DLGAP1: variants seen among roughly 807,000 people sequenced by gnomAD.
DLGAP1 encodes the protein disks large-associated protein 1.
A neutral mutation model predicts 90.8 loss-of-function variants in DLGAP1; 11 were observed. The observed-to-expected ratio is 0.12, with a 90% CI of 0.08 to 0.20. The LOEUF is 0.20. Ranked by LOEUF, DLGAP1 falls within the 10% of genes least tolerant of loss-of-function variation. The pLI is 1.00. For missense variants in DLGAP1, 1,050 were observed against 1,333.8 expected, an observed-to-expected ratio of 0.79 and a Z score of 3.31; for synonymous variants, 558 against 540.7, an observed-to-expected ratio of 1.03 and a Z score of -0.44.
chr18:3,682,394 G>A (rs1332926907), intron 7 of DLGAP1, among the ~76,000 whole-genome samples: 1 of 152,132 alleles, frequency 6.6e-6, no homozygotes, highest in African/African-American at 2.4e-5. Context: ...CCAGTCTCAA[G>A]TATTCCTTTA....
intron 1 of DLGAP1, among the ~76,000 whole-genome samples, chr18:4,394,252 G>A (rs554041475): frequency 1.2e-4 from 18 of 152,198 alleles, no homozygotes; most frequent in Admixed American, 3.3e-4. Flanking sequence ...TAGATGACAC[G>A]GATTTCGCTT....
chr18:3,594,803 A>C (rs2056483967), intron 7 of DLGAP1, among the ~76,000 whole-genome samples: 3 of 152,196 alleles, frequency 2.0e-5, no homozygotes, highest in Admixed American at 2.0e-4. Context: ...GAGGATAAAC[A>C]GCCCAGAAAC....
chr18:3,728,127 G>C (rs1329590215), intron 7 of DLGAP1, among the ~76,000 whole-genome samples: 6 of 151,946 alleles, frequency 3.9e-5, no homozygotes, highest in African/African-American at 1.5e-4. Flanking sequence ...CACTAAAATG[G>C]AGTGATACAA....
In DLGAP1 at chr18:3,997,142, T is replaced by C. The variant is rs868814392; in HGVS notation, c.-73+7974A>G. On this transcript the variant is annotated intron_variant, in intron 3 of 12. Transcript: ENST00000315677. Reference sequence around the variant, plus strand: ...TTTCCCACGGGAAAGGTTATTTTCGTCTAATGTTACCCATAACTCATTCGC... The same window carrying C: ...TTTCCCACGGGAAAGGTTATTTTCGCCTAATGTTACCCATAACTCATTCGC... 8.9e-4 allele frequency among the ~76,000 whole-genome samples: 77 copies of C among 86,500 alleles called. 8 individuals carry two copies. The highest frequency in any genetic ancestry group is 3.5e-3 in the African/African-American group (76 of 21,694). 56.7% of individuals were successfully genotyped at this position (86,500 alleles called of 152,430 possible).
intron 2 of DLGAP1, among the ~76,000 whole-genome samples, chr18:4,035,521 A>G (rs562673040): frequency 4.0e-4 from 61 of 152,326 alleles, no homozygotes; most frequent in Middle Eastern, 3.4e-3. Context: ...AAAAATCTGC[A>G]GGGATGAGAA....
intron 1 of DLGAP1, among the ~76,000 whole-genome samples, chr18:4,254,549 T>C (rs2078848772): frequency 6.6e-6 from 1 of 152,208 alleles, no homozygotes; most frequent in Non-Finnish European, 1.5e-5. Context: ...CAGGTATATT[T>C]GTCCTGCATT....
intron 2 of DLGAP1, among the ~76,000 whole-genome samples, chr18:4,060,652 TACAA>T (rs1477861144): frequency 6.6e-6 from 1 of 152,164 alleles, no homozygotes; most frequent in African/African-American, 2.4e-5. Context: ...CAACTTGCAG[TACAA>T]ACAACTTCCT....
chr18:4,323,184 G>A (rs2080738441), intron 1 of DLGAP1, among the ~76,000 whole-genome samples: 1 of 152,102 alleles, frequency 6.6e-6, no homozygotes, highest in Non-Finnish European at 1.5e-5. Context: ...ATAGATATGT[G>A]AAGAAATGCT....
chr18:3,848,546 A>G (rs532025039), intron 4 of DLGAP1, among the ~76,000 whole-genome samples: 4 of 152,254 alleles, frequency 2.6e-5, no homozygotes, highest in African/African-American at 9.6e-5. Context: ...CTGCATACAT[A>G]GCACCTTCAA....
chr18:4,220,092 ATTC>A (rs2078043999), intron 1 of DLGAP1, among the ~76,000 whole-genome samples: 1 of 152,068 alleles, frequency 6.6e-6, no homozygotes, highest in Admixed American at 6.6e-5. Context: ...TTTAACACTA[ATTC>A]TTCTAATCTG....
At chr18:4,334,861 G>A (rs2081035737) in intron 1 of DLGAP1, among the ~76,000 whole-genome samples, 1 of 151,876 alleles carries the variant, frequency 6.6e-6, no homozygotes, top group East Asian at 1.9e-4. Flanking sequence ...CTCTAGTAAG[G>A]CACCCTAATG....
chr18:4,163,459 C>T (rs774002134), intron 1 of DLGAP1, among the ~76,000 whole-genome samples: 4 of 152,128 alleles, frequency 2.6e-5, no homozygotes, highest in Admixed American at 6.5e-5. Context: ...CTAATCCACA[C>T]GAAAGTGTGA....
intron 7 of DLGAP1, among the ~76,000 whole-genome samples, chr18:3,612,091 C>T (rs1684808752): frequency 6.6e-6 from 1 of 152,222 alleles, no homozygotes; most frequent in African/African-American, 2.4e-5. Flanking sequence ...GAATATGGCA[C>T]AGTTCTGTCG....
chr18:4,091,764 G>T (rs760169082), intron 2 of DLGAP1, among the ~76,000 whole-genome samples: 2 of 152,086 alleles, frequency 1.3e-5, no homozygotes, highest in Non-Finnish European at 2.9e-5. Context: ...ATCTGTTCAG[G>T]ACTGTTACTC....
intron 3 of DLGAP1, among the ~76,000 whole-genome samples, chr18:3,962,756 C>T (rs371948026): frequency 5.1e-4 from 77 of 152,238 alleles, no homozygotes; most frequent in Middle Eastern, 3.4e-3. Context: ...GGACTGACAG[C>T]GTGTATCTCC....
rs184090719 is a variant in DLGAP1, at chr18:4,139,219, T to C, written c.-159+11961A>G. 2.2e-3 allele frequency among the ~76,000 whole-genome samples: 337 copies of C among 152,110 alleles called. 1 individual carries two copies. Among genetic ancestry groups the C allele is most frequent in the African/African-American group, 7.1e-3 (294 of 41,574 alleles). ...AGTTTTTTAAGCTGCATCATTAGGT[T>C]ATTTGTAGTTTTTTCTACTTTTTAA... On this transcript the variant is annotated intron_variant, in intron 2 of 12. Coordinates refer to ENST00000315677, the MANE Select transcript of DLGAP1 (RefSeq NM_004746.4).
At chr18:3,785,589 G>A (rs765755371) in intron 5 of DLGAP1, among the ~76,000 whole-genome samples, 3 of 152,124 alleles carry the variant, frequency 2.0e-5, no homozygotes, top group Non-Finnish European at 4.4e-5. Context: ...GAGAATGAAT[G>A]GGCCTAGAAG....
At position 3,974,970 on chromosome 18, in the gene DLGAP1, T is replaced by C. The variant is rs1489404773; in HGVS notation, c.-73+30146A>G. On this transcript the variant is annotated intron_variant, in intron 3 of 12. Coordinates refer to ENST00000315677, the MANE Select transcript of DLGAP1 (RefSeq NM_004746.4). Reference sequence around the variant, plus strand: ...TATGATTCTACTTATATGAGGTAACTAAAGTAGTCAAATTCGTAGACACAG... The same window carrying C: ...TATGATTCTACTTATATGAGGTAACCAAAGTAGTCAAATTCGTAGACACAG... Among the ~76,000 whole-genome samples, 6 of 152,172 alleles carry C rather than the reference T, an allele frequency of 3.9e-5. No individual in the cohort carries two copies. In the South Asian group the frequency reaches 1.0e-3, roughly 26 times the overall value.
chr18:3,879,841 G>T lies in DLGAP1; in HGVS notation c.228C>A (p.Thr76=). ...ACTCGTCCTTCAGCTCTTGCTGCGAGGTGTAGTGCCTGCGGGGGAAGGTGC... is the reference window on the plus strand; with the variant it reads ...ACTCGTCCTTCAGCTCTTGCTGCGATGTGTAGTGCCTGCGGGGGAAGGTGC... ...ASSTFPRRHY[T]SQQELKDECA... Residue 76 remains threonine (T), a synonymous_variant, in exon 4 of 13, where the codon ACC becomes ACA. Transcript: ENST00000315677. This position sits in a 1 kb window ranked among gnomAD's most constrained non-coding sequence, Gnocchi z 6.6. The T allele has an allele frequency of 6.2e-7, 1 of 1,609,772 alleles. No homozygotes were observed.
Sources: allele counts gnomAD v4.1 joint callset (sites outside exome capture counted in the v4.1 genomes callset), GRCh38; gene constraint gnomAD v4.1.1; non-coding constraint Gnocchi (gnomAD v3.1); transcripts MANE v1.5; gene names NCBI Gene and HGNC (gene_info 2026-07-23, HGNC 2026-07-21).